Variants in VPS41 observed in about 807,000 individuals in gnomAD.
VPS41 encodes vacuolar protein sorting-associated protein 41 homolog.
A neutral mutation model predicts 130.9 loss-of-function variants in VPS41; 85 were observed. The ratio of observed to expected loss-of-function variants is 0.65; its 90% CI spans 0.55 to 0.78. The LOEUF is 0.78. Among genes scored for constraint, VPS41 ranks in the 30% least tolerant of loss-of-function variants. The pLI, the probability that VPS41 is intolerant of heterozygous loss-of-function variation, is 0.00. For missense variants in VPS41, 874 were observed against 1,018.7 expected (o/e 0.86, Z 1.93); for synonymous variants, 335 against 332.9 (o/e 1.01, Z -0.07).
intron 4 of VPS41, among the ~76,000 whole-genome samples, chr7:38,837,617 T>C (rs1331064221): frequency 6.6e-6 from 1 of 152,212 alleles, no homozygotes; most frequent in Admixed American, 6.5e-5. Flanking sequence ...GAGGGTGGTT[T>C]TGGGAATCCC....
intron 10 of VPS41, among the ~76,000 whole-genome samples, chr7:38,788,653 T>C (rs149702508): frequency 6.6e-6 from 1 of 152,300 alleles, no homozygotes; most frequent in East Asian, 1.9e-4. Flanking sequence ...ATTGAAACAA[T>C]TATCTATATA....
chr7:38,850,156 A>AG (rs1431685295), intron 4 of VPS41, among the ~76,000 whole-genome samples: 1 of 152,252 alleles, frequency 6.6e-6, no homozygotes, highest in East Asian at 1.9e-4. Context: ...CCTGGAGGAC[A>AG]GCTCCCTATT....
rs1267871203 is a variant in VPS41, at chr7:38,761,281, T to C, written c.1422+2174A>G. 3.0e-5 allele frequency among the ~76,000 whole-genome samples: 3 copies of C among 98,554 alleles called. No homozygotes were observed. In the East Asian group the frequency reaches 1.2e-3, roughly 40 times the overall value. 64.7% of individuals were successfully genotyped at this position (98,554 alleles called of 152,430 possible). ...TTCCTCTCTTTTTTTTTTTTTTTTT[T>C]TTTTTTTTTTTTCAGGTGGTGTTTC... On this transcript the variant is annotated intron_variant, in intron 17 of 28. Transcript: ENST00000310301.
At chr7:38,890,149 A>G (rs1190420251) in intron 2 of VPS41, among the ~76,000 whole-genome samples, 1 of 152,224 alleles carries the variant, frequency 6.6e-6, no homozygotes, top group Non-Finnish European at 1.5e-5. Context: ...AACAAGAGAA[A>G]TGAAAAACGG....
chr7:38,895,961 TCC>T (rs1786980176), intron 2 of VPS41, among the ~76,000 whole-genome samples: 1 of 152,182 alleles, frequency 6.6e-6, no homozygotes, highest in Non-Finnish European at 1.5e-5. Flanking sequence ...CTACCCAGTC[TCC>T]ATCTGACTGT....
chr7:38,893,775 T>C (rs1184186065), intron 2 of VPS41, among the ~76,000 whole-genome samples: 1 of 152,248 alleles, frequency 6.6e-6, no homozygotes, highest in East Asian at 1.9e-4. Flanking sequence ...TATATTAAAA[T>C]TCTTAAAGTT....
chr7:38,738,438 A>G (rs557927290), intron 25 of VPS41, among the ~76,000 whole-genome samples: 2 of 152,336 alleles, frequency 1.3e-5, no homozygotes, highest in East Asian at 1.9e-4. Flanking sequence ...TGAAGATTAA[A>G]TGTTTGTCAA....
At chr7:38,850,879 T>C (rs1340185655) in intron 4 of VPS41, among the ~76,000 whole-genome samples, 1 of 152,180 alleles carries the variant, frequency 6.6e-6, no homozygotes, top group Non-Finnish European at 1.5e-5. Context: ...AATTTTCAAA[T>C]AACAACAGCC....
In VPS41 at chr7:38,776,667, G is replaced by A. The variant is rs1366977337; in HGVS notation, c.882+12C>T. ...CCCCACATGCCTTTGTATCTGGGGA[G>A]AAAATAATTACCGTTTTTTCTGAAA... On this transcript the variant is annotated intron_variant, in intron 11 of 28. Coordinates refer to ENST00000310301, the MANE Select transcript of VPS41 (RefSeq NM_014396.4). 2 of 1,536,226 alleles carry A rather than the reference G, an allele frequency of 1.3e-6. No individual in the cohort carries two copies. The highest frequency in any genetic ancestry group is 1.4e-5 in the African/African-American group (1 of 73,312).
rs548373652 is a variant in VPS41 at position 38,887,175 on chromosome 7, G to A, written c.60+10916C>T. Among the ~76,000 whole-genome samples the A allele has an allele frequency of 5.3e-5, 8 of 152,272 alleles. No individual in the cohort carries two copies. In the South Asian group the frequency reaches 1.0e-3, roughly 20 times the overall value. On this transcript the variant is annotated intron_variant, in intron 2 of 28. Transcript: ENST00000310301. Reference sequence around the variant, plus strand: ...AAGGGAACAAAACTGGATGGATAACGAGTTTGACAAGTTGACCGAAGTAGG... The same window carrying A: ...AAGGGAACAAAACTGGATGGATAACAAGTTTGACAAGTTGACCGAAGTAGG...
In VPS41 at chr7:38,880,437, T is replaced by C. The variant is rs145552713; in HGVS notation, c.61-11184A>G. Among the ~76,000 whole-genome samples the C allele has an allele frequency of 2.0e-5, 3 of 152,316 alleles. No individual in the cohort carries two copies. The East Asian group carries it at 5.8e-4, about 29-fold the overall frequency. On this transcript the variant is annotated intron_variant, in intron 2 of 28. Transcript: ENST00000310301. ...TAAAAGGAAATGCTACCCTCTCCTA[T>C]TTTAGCCAAGAACCTCTCCTGGATG...
intron 14 of VPS41, among the ~76,000 whole-genome samples, chr7:38,769,680 CAG>C (rs1040580106): frequency 6.6e-6 from 1 of 152,198 alleles, no homozygotes; most frequent in African/African-American, 2.4e-5. Flanking sequence ...TTCATCCACA[CAG>C]AGTCAGTTAC....
chr7:38,878,844 GAAAT>G (rs1193663662), intron 2 of VPS41, among the ~76,000 whole-genome samples: 3 of 152,204 alleles, frequency 2.0e-5, no homozygotes, highest in African/African-American at 7.2e-5. Flanking sequence ...ATGGAGCAAT[GAAAT>G]AAGAGAAACA....
intron 1 of VPS41, among the ~76,000 whole-genome samples, chr7:38,908,711 C>T (rs139397819): frequency 9.2e-4 from 140 of 152,336 alleles, no homozygotes; most frequent in African/African-American, 3.2e-3. Flanking sequence ...AGTGCTCCAG[C>T]TCTGTACCTA....
intron 25 of VPS41, among the ~76,000 whole-genome samples, chr7:38,733,046 T>A (rs1271875261): frequency 6.6e-6 from 1 of 152,142 alleles, no homozygotes; most frequent in Non-Finnish European, 1.5e-5. Context: ...CAGGCTTATC[T>A]CAAACTGCTG....
At chr7:38,818,734 C>T (rs1305380061) in intron 6 of VPS41, among the ~76,000 whole-genome samples, 1 of 152,172 alleles carries the variant, frequency 6.6e-6, no homozygotes, top group Non-Finnish European at 1.5e-5. Flanking sequence ...ACCAACTTAA[C>T]TAATTTTGTG....
chr7:38,768,069 AT>A (rs992928162), intron 14 of VPS41, among the ~76,000 whole-genome samples: 1 of 152,236 alleles, frequency 6.6e-6, no homozygotes, highest in African/African-American at 2.4e-5. Context: ...AATAGGGAAT[AT>A]TAAAGTTGAT....
intron 7 of VPS41, among the ~76,000 whole-genome samples, chr7:38,811,216 T>C (rs1223605649): frequency 1.3e-5 from 2 of 152,058 alleles, no homozygotes; most frequent in Non-Finnish European, 2.9e-5. Context: ...AACACGCTAA[T>C]GTCAAAAACA....
chr7:38,809,742 G>A (rs963856988), intron 7 of VPS41, among the ~76,000 whole-genome samples: 1 of 151,982 alleles, frequency 6.6e-6, no homozygotes, highest in East Asian at 1.9e-4. Flanking sequence ...CTATCCCACC[G>A]TAACGCCAAA....
Sources: allele counts gnomAD v4.1 joint callset (sites outside exome capture counted in the v4.1 genomes callset), GRCh38; gene constraint gnomAD v4.1.1; transcripts MANE v1.5; gene names NCBI Gene and HGNC (gene_info 2026-07-23, HGNC 2026-07-21).